The following MAN2A1 variants were observed in gnomAD, a reference collection of about 807,000 sequenced individuals.
MAN2A1 encodes alpha-mannosidase 2.
MAN2A1 carries 76 observed loss-of-function variants against 142.6 expected under a neutral mutation model. The observed-to-expected ratio is 0.53, with a 90% CI of 0.44 to 0.65. MAN2A1 has a LOEUF of 0.65. MAN2A1 is among the 30% of genes least tolerant of loss of function. The pLI is 0.00. For missense variants in MAN2A1, 1,311 were observed against 1,365.1 expected (o/e 0.96, Z 0.62); for synonymous variants, 559 against 473.2 (o/e 1.18, Z -2.35).
At chr5:109,813,932 C>T (rs573407848) in intron 12 of MAN2A1, among the ~76,000 whole-genome samples, 2 of 152,248 alleles carry the variant, frequency 1.3e-5, no homozygotes, top group Middle Eastern at 6.8e-3. Context: ...TTATCTTCTG[C>T]CCTCTAGTTT....
intron 17 of MAN2A1, among the ~76,000 whole-genome samples, chr5:109,842,806 G>GTTTTTTTTTTTTT (rs768238978): frequency 0.081 from 9,310 of 114,908 alleles, 1,179 homozygotes; most frequent in East Asian, 0.4. Context: ...TACTTATTGG[G>GTTTTTTTTTTTTT]TTTTTTTTTT....
intron 1 of MAN2A1, among the ~76,000 whole-genome samples, chr5:109,708,424 G>A (rs928362103): frequency 3.3e-5 from 5 of 151,376 alleles, no homozygotes; most frequent in South Asian, 2.1e-4. Flanking sequence ...TGATAATCCC[G>A]GTACATGAAG....
intron 13 of MAN2A1, 143 bp downstream of exon 13, chr5:109,817,581 C>T: frequency 1.4e-6 from 1 of 727,666 alleles, no homozygotes; most frequent in Admixed American, 2.7e-5. Context: ...GAGAGTTTAA[C>T]TGGTGGGTCA....
chr5:109,839,647 CTCTTTTTTTT>C (rs1425276597), intron 16 of MAN2A1, among the ~76,000 whole-genome samples: 4 of 131,232 alleles, frequency 3.0e-5, no homozygotes, highest in Non-Finnish European at 6.4e-5. Flanking sequence ...CCCTGTCTCT[CTCTTTTTTTT>C]TTTTTTTTTT....
At chr5:109,796,966 C>T (rs1753880428) in intron 12 of MAN2A1, among the ~76,000 whole-genome samples, 2 of 152,088 alleles carry the variant, frequency 1.3e-5, no homozygotes, top group Admixed American at 1.3e-4. Context: ...GTTTTGCATC[C>T]CCTGGCAAAT....
chr5:109,829,984 C>G (rs563464157), intron 16 of MAN2A1, among the ~76,000 whole-genome samples: 62 of 152,174 alleles, frequency 4.1e-4, no homozygotes, highest in Non-Finnish European at 7.3e-4. Flanking sequence ...AGTGATTTCA[C>G]CATACTTCCA....
intron 1 of MAN2A1, among the ~76,000 whole-genome samples, chr5:109,696,746 T>C (rs1750823023): frequency 6.6e-6 from 1 of 152,236 alleles, no homozygotes; most frequent in Admixed American, 6.5e-5. Flanking sequence ...GTGTTGGCTG[T>C]GGCCTCTTCT....
At chr5:109,696,593 G>C (rs902637069) in intron 1 of MAN2A1, among the ~76,000 whole-genome samples, 1 of 152,174 alleles carries the variant, frequency 6.6e-6, no homozygotes, top group Non-Finnish European at 1.5e-5. Flanking sequence ...GCGTTGTAGG[G>C]TGTCTAGCAG....
Position 109,690,387 on chromosome 5 carries a change from G to C in MAN2A1, c.-31G>C, listed in dbSNP as rs2112529455. On this transcript the variant is annotated 5_prime_UTR_variant, in exon 1 of 22. Coordinates refer to ENST00000261483, the MANE Select transcript of MAN2A1 (RefSeq NM_002372.4). ...GTGCGCTGTCTCCTTTGGCTGAGGA[G>C]AGTGTCCTGGCCCCGAGTCTATCGA... 1.2e-6 allele frequency: 2 copies of C among 1,613,760 alleles called. No individual in the cohort carries two copies. The highest frequency in any genetic ancestry group is 1.1e-5 in the South Asian group (1 of 91,068).
chr5:109,864,158 A>C (rs768936779), intron 20 of MAN2A1: 1 of 152,218 alleles, frequency 6.6e-6, no homozygotes, highest in African/African-American at 2.4e-5. Context: ...TTTTATCACA[A>C]TGTCAGTGCT....
intron 17 of MAN2A1, among the ~76,000 whole-genome samples, chr5:109,845,158 G>A (rs1755314693): frequency 6.6e-6 from 1 of 152,110 alleles, no homozygotes; most frequent in Non-Finnish European, 1.5e-5. Context: ...ACATTTTTAT[G>A]TGGTATCATT....
In MAN2A1 at chr5:109,866,997, G is replaced by GA; in HGVS notation, c.*1dup. ...EISTFRIQLR[*] ...AGCACATTCCGAATCCAGTTGAGGTGAACCTGACTTTCACATTTGGATTGA... is the reference window on the plus strand; with the variant it reads ...AGCACATTCCGAATCCAGTTGAGGTGAAACCTGACTTTCACATTTGGATTGA... The change falls in exon 22 of 22, where the codon TGA becomes TGAA. Residue 1145 remains the stop codon, a frameshift_variant and stop_retained_variant. Transcript: ENST00000261483. LOFTEE classifies it high-confidence loss of function. 1 of 1,605,070 alleles carries GA rather than the reference G, an allele frequency of 6.2e-7. No individual in the cohort carries two copies. The highest frequency in any genetic ancestry group is 8.5e-7 in the Non-Finnish European group (1 of 1,176,278).
chr5:109,785,101 CAG>C (rs1436448890), intron 10 of MAN2A1, among the ~76,000 whole-genome samples, 175 bp downstream of exon 10: 2 of 152,080 alleles, frequency 1.3e-5, no homozygotes, highest in Non-Finnish European at 1.5e-5. Context: ...AATCTGTTGA[CAG>C]AGTCCCAGCT....
Position 109,789,061 on chromosome 5 carries a change from A to C in MAN2A1, c.1875+13A>C. The C allele has an allele frequency of 7.9e-7, 1 of 1,266,648 alleles. No individual in the cohort carries two copies. The allele number at this position is 1,266,648 out of a possible 1,614,324, so 78.5% of individuals were successfully genotyped here. Reference sequence around the variant, plus strand: ...CTTCCTGGAGATGGTTAGTAATTTCATCTATGGTCATCATAAAAATGTGTA... The same window carrying C: ...CTTCCTGGAGATGGTTAGTAATTTCCTCTATGGTCATCATAAAAATGTGTA... On this transcript the variant is annotated intron_variant, in intron 11 of 21. Transcript: ENST00000261483.
At position 109,865,115 on chromosome 5, in the gene MAN2A1, C is replaced by A. The variant is rs774140890; in HGVS notation, c.3251C>A (p.Thr1084Lys). The change falls in exon 21 of 22, where the codon ACA becomes AAA. Residue 1084 changes from threonine (T) to lysine (K), a missense_variant. Thr to Lys is a moderately conservative substitution (Grantham distance 78, BLOSUM62 -1). Around this residue, in one of 3 missense-constraint regions of MAN2A1, gnomAD observed 890 missense variants for 920.5 expected, o/e 0.97. Coordinates refer to ENST00000261483, the MANE Select transcript of MAN2A1 (RefSeq NM_002372.4). ...GATTGTCGGTTCTCTAGCAAAGGCA[C>A]AGGGCTGTTTTGTTCTACTACTCAG... ...GFDCRFSSKG[T>K]GLFCSTTQGK... The A allele has an allele frequency of 6.2e-7, 1 of 1,613,988 alleles. No homozygotes were observed. Among genetic ancestry groups the A allele is most frequent in the African/African-American group, 1.3e-5 (1 of 75,032 alleles).
At chr5:109,826,632 T>C (rs1264083391) in intron 16 of MAN2A1, among the ~76,000 whole-genome samples, 1 of 152,218 alleles carries the variant, frequency 6.6e-6, no homozygotes, top group Admixed American at 6.5e-5. Context: ...GTTTTTCACA[T>C]ACCATTGCCT....
At chr5:109,834,564 C>A (rs1580301648) in intron 16 of MAN2A1, among the ~76,000 whole-genome samples, 1 of 152,088 alleles carries the variant, frequency 6.6e-6, no homozygotes, top group Non-Finnish European at 1.5e-5. Context: ...AAATGCCATA[C>A]CTTTCCTATT....
At chr5:109,845,200 G>A (rs757442880) in intron 17 of MAN2A1, among the ~76,000 whole-genome samples, 74 of 152,230 alleles carry the variant, frequency 4.9e-4, no homozygotes, top group Non-Finnish European at 8.1e-4. Context: ...TCTGAGCTTA[G>A]AGTCAGTCAC....
rs373348240 is a variant in MAN2A1, at chr5:109,862,638, A to G, written c.3172-2398A>G. The stretch of plus-strand genomic sequence containing the variant: ...GCATACAGTGTGACTGCTTGAAGGT[A>G]TCTGTTTTCCTGCATGCATATTCAA... On this transcript the variant is annotated intron_variant, in intron 20 of 21. Transcript: ENST00000261483. 3.3e-5 allele frequency: 5 copies of G among 152,298 alleles called. No individual in the cohort carries two copies. In the East Asian group the frequency reaches 7.7e-4, roughly 24 times the overall value. 9.4% of individuals were successfully genotyped at this position (152,298 alleles called of 1,614,324 possible).
Sources: allele counts gnomAD v4.1 joint callset (sites outside exome capture counted in the v4.1 genomes callset), GRCh38; gene constraint gnomAD v4.1.1; regional missense constraint gnomAD v4.1.1; transcripts MANE v1.5; gene names NCBI Gene and HGNC (gene_info 2026-07-23, HGNC 2026-07-21).